TEX9: variants seen among roughly 807,000 people sequenced by gnomAD.
The protein encoded by TEX9 is testis-expressed protein 9.
A neutral mutation model predicts 59.6 loss-of-function variants in TEX9; 74 were observed. That is an observed-to-expected ratio of 1.24 (90% CI 1.03 to 1.51). The LOEUF (loss-of-function observed/expected upper bound fraction) is 1.51, where lower values mean the gene tolerates loss of function less well. Ranked by LOEUF, TEX9 falls within the 40% of genes most tolerant of loss-of-function variation. The probability of loss-of-function intolerance (pLI) is 0.00; values close to 1 mark genes in which losing one functional copy is unlikely to be tolerated. For missense variants in TEX9, 522 were observed against 447.8 expected (o/e 1.17, Z -1.49); for synonymous variants, 186 against 152.2 (o/e 1.22, Z -1.64).
chr15:56,448,373 G>A (rs1233596199), downstream of TEX9, among the ~76,000 whole-genome samples: 3 of 152,124 alleles, frequency 2.0e-5, no homozygotes, highest in Admixed American at 6.5e-5. Flanking sequence ...CAAATGGGTT[G>A]TTTTTTAACC....
At chr15:56,330,988 C>A (rs2046127494) in intron 1 of TEX9, among the ~76,000 whole-genome samples, 1 of 151,958 alleles carries the variant, frequency 6.6e-6, no homozygotes. Flanking sequence ...CCAATAGAAA[C>A]CAAAAAGAGC....
chr15:56,322,626 A>T (rs575811149), intron 1 of TEX9, among the ~76,000 whole-genome samples: 1 of 152,138 alleles, frequency 6.6e-6, no homozygotes, highest in Non-Finnish European at 1.5e-5. Flanking sequence ...GAAGTTGGTG[A>T]CTAAATTTTT....
chr15:56,381,141 G>A lies in TEX9; in HGVS notation c.184-2811G>A, dbSNP rs534867644. Among the ~76,000 whole-genome samples the A allele has an allele frequency of 9.2e-5, 14 of 151,934 alleles. No individual in the cohort carries two copies. In the South Asian group the frequency reaches 2.9e-3, roughly 32 times the overall value. ...TCTCCTCTGTATTTTCAAATAGCAT[G>A]TCTTCAAGATTACTAATTCTTCTGC... On this transcript the variant is annotated intron_variant, in intron 3 of 12. Transcript: ENST00000352903.
At chr15:56,271,912 G>A (rs576102245) in intron 1 of TEX9, among the ~76,000 whole-genome samples, 23 of 152,158 alleles carry the variant, frequency 1.5e-4, no homozygotes, top group Non-Finnish European at 2.1e-4. Flanking sequence ...AGGCTGAGGC[G>A]GGCAGATCAC....
rs2047046668 is a variant in TEX9 at position 56,368,497 on chromosome 15, G to A, written c.119+2827G>A. Among the ~76,000 whole-genome samples, 4 of 152,000 alleles carry A rather than the reference G, an allele frequency of 2.6e-5. No homozygotes were observed. The South Asian group carries it at 8.3e-4, about 32-fold the overall frequency. On this transcript the variant is annotated intron_variant, in intron 2 of 12. Coordinates refer to ENST00000352903, the Ensembl canonical transcript of TEX9. ...TTCTTGGAAGCTTTTTATAATTAGAGATTTTCTGCCCTTTGATTAAAATTG... is the reference window on the plus strand; with the variant it reads ...TTCTTGGAAGCTTTTTATAATTAGAAATTTTCTGCCCTTTGATTAAAATTG...
intron 12 of TEX9, among the ~76,000 whole-genome samples, chr15:56,431,744 T>C (rs2050603084): frequency 6.6e-6 from 1 of 152,024 alleles, no homozygotes; most frequent in African/African-American, 2.4e-5. Context: ...TTCAGGAAAG[T>C]GTCTTCATTA....
intron 9 of TEX9, among the ~76,000 whole-genome samples, chr15:56,403,153 A>G (rs1255931531): frequency 2.0e-5 from 3 of 152,244 alleles, no homozygotes; most frequent in Admixed American, 2.0e-4. Flanking sequence ...GGCAAGAGAA[A>G]GCAATAAAGG....
intron 3 of TEX9, 37 bp from the exon 4 acceptor site, chr15:56,383,915 T>G (rs1362890809): frequency 4.0e-6 from 6 of 1,505,132 alleles, no homozygotes; most frequent in Non-Finnish European, 5.4e-6. Flanking sequence ...TTGGTTTTTT[T>G]TCTATATGAT....
At chr15:56,248,636 T>C (rs553336053) in intron 1 of TEX9, among the ~76,000 whole-genome samples, 1 of 152,376 alleles carries the variant, frequency 6.6e-6, no homozygotes, top group African/African-American at 2.4e-5. Context: ...TCAATTCTTT[T>C]ACATTAAAGA....
chr15:56,408,523 C>T (rs1042135212), intron 9 of TEX9: 2 of 152,136 alleles, frequency 1.3e-5, no homozygotes, highest in African/African-American at 4.8e-5. Flanking sequence ...CGTTGATCAT[C>T]CTCACATTTT....
intron 1 of TEX9, among the ~76,000 whole-genome samples, chr15:56,329,178 A>T (rs1390649811): frequency 6.6e-6 from 1 of 152,160 alleles, no homozygotes; most frequent in East Asian, 1.9e-4. Flanking sequence ...GTCCAAGGCC[A>T]CCAAGGCAGT....
intron 12 of TEX9, among the ~76,000 whole-genome samples, chr15:56,435,198 T>C (rs1294278254): frequency 6.6e-6 from 1 of 151,966 alleles, no homozygotes; most frequent in Non-Finnish European, 1.5e-5. Flanking sequence ...AATGTATATA[T>C]ATAGCACTAA....
chr15:56,346,676 A>T (rs1596106988), intron 1 of TEX9, among the ~76,000 whole-genome samples: 1 of 152,300 alleles, frequency 6.6e-6, no homozygotes, highest in Admixed American at 6.5e-5. Context: ...GATAGGAAAA[A>T]CCAACCCCAC....
At chr15:56,372,301 A>G (rs1226562126) in intron 2 of TEX9, among the ~76,000 whole-genome samples, 1 of 152,198 alleles carries the variant, frequency 6.6e-6, no homozygotes, top group South Asian at 2.1e-4. Context: ...GTTAAAGGAT[A>G]TGGTACTAAT....
intron 1 of TEX9, among the ~76,000 whole-genome samples, chr15:56,336,616 G>A (rs2046262340): frequency 6.6e-6 from 1 of 152,114 alleles, no homozygotes; most frequent in East Asian, 1.9e-4. Flanking sequence ...GATGACAGAT[G>A]GAAATTAGAA....
chr15:56,307,697 C>T (rs1253202683), intron 1 of TEX9, among the ~76,000 whole-genome samples: 1 of 152,068 alleles, frequency 6.6e-6, no homozygotes, highest in African/African-American at 2.4e-5. Context: ...TTTAATCACC[C>T]CCAAAAGAAA....
At chr15:56,431,553 T>A (rs2050596968) in intron 12 of TEX9, 1 of 1,588,834 alleles carries the variant, frequency 6.3e-7, no homozygotes, top group Non-Finnish European at 8.6e-7. Flanking sequence ...TTATACGAAG[T>A]TTTCAAATAA....
chr15:56,315,884 G>A (rs1270590793), intron 1 of TEX9, among the ~76,000 whole-genome samples: 2 of 150,486 alleles, frequency 1.3e-5, no homozygotes, highest in Non-Finnish European at 3.0e-5. Flanking sequence ...TTCCCTTCTA[G>A]CTTCATTTTA....
At chr15:56,356,102 C>A (rs2046679410) in intron 1 of TEX9, among the ~76,000 whole-genome samples, 1 of 152,100 alleles carries the variant, frequency 6.6e-6, no homozygotes, top group African/African-American at 2.4e-5. Context: ...TTTATTTCTT[C>A]ATTTCTAAGA....
Sources: gnomAD v4.1 joint callset for allele counts (sites outside exome capture counted in the v4.1 genomes callset) on GRCh38, gnomAD v4.1.1 for gene constraint, MANE v1.5 for transcripts, NCBI Gene and HGNC (gene_info 2026-07-23, HGNC 2026-07-21) for gene names.